EDIL3: variants seen among roughly 807,000 people sequenced by gnomAD.
The protein encoded by EDIL3 is EGF like and discoidin domains 3.
A neutral mutation model predicts 67.4 loss-of-function variants in EDIL3; 37 were observed. The ratio of observed to expected loss-of-function variants is 0.55; its 90% CI spans 0.42 to 0.72. The LOEUF (loss-of-function observed/expected upper bound fraction) is 0.72. Ranked by LOEUF, EDIL3 falls within the 30% of genes least tolerant of loss-of-function variation. The pLI is 0.00. For synonymous variants in EDIL3, 195 were observed against 196.3 expected, an observed-to-expected ratio of 0.99 and a Z score of 0.05; for missense variants, 527 against 586.3, an observed-to-expected ratio of 0.90 and a Z score of 1.04.
chr5:84,089,766 G>T (rs1246097217), intron 6 of EDIL3, among the ~76,000 whole-genome samples: 1 of 152,072 alleles, frequency 6.6e-6, no homozygotes, highest in Non-Finnish European at 1.5e-5. Flanking sequence ...CTACAGATAT[G>T]CAACTCTTCA....
intron 3 of EDIL3, among the ~76,000 whole-genome samples, chr5:84,197,149 CAT>C (rs1743727718): frequency 6.6e-6 from 1 of 151,950 alleles, no homozygotes; most frequent in Non-Finnish European, 1.5e-5. Flanking sequence ...GCAATATCAA[CAT>C]ATTTAGTCAA....
chr5:84,370,700 T>G (rs747443531), intron 1 of EDIL3, among the ~76,000 whole-genome samples: 25 of 152,188 alleles, frequency 1.6e-4, no homozygotes, highest in Non-Finnish European at 2.5e-4. Flanking sequence ...ATTAGACAGC[T>G]ATGGAAACAG....
chr5:84,288,366 T>G (rs952252477), intron 1 of EDIL3, among the ~76,000 whole-genome samples: 4 of 152,194 alleles, frequency 2.6e-5, no homozygotes, highest in Admixed American at 2.6e-4. Flanking sequence ...CTTTTATTTT[T>G]GATGTTTTCA....
At chr5:84,177,204 C>A (rs962144056) in intron 4 of EDIL3, among the ~76,000 whole-genome samples, 2 of 151,910 alleles carry the variant, frequency 1.3e-5, no homozygotes, top group African/African-American at 4.8e-5. Flanking sequence ...CTTCAAATGC[C>A]AAATTTATAA....
chr5:83,981,927 T>C (rs1383233335), intron 9 of EDIL3, among the ~76,000 whole-genome samples: 1 of 152,024 alleles, frequency 6.6e-6, no homozygotes, highest in East Asian at 1.9e-4. Flanking sequence ...TGGCACAAAA[T>C]AAATATGGCA....
intron 6 of EDIL3, among the ~76,000 whole-genome samples, chr5:84,075,890 GCA>G (rs10530772): frequency 0.46 from 66,381 of 144,800 alleles, 16,173 homozygotes; most frequent in East Asian, 0.65. Flanking sequence ...AAGTGTGCAC[GCA>G]CACACACACA....
chr5:84,055,695 A>G (rs1014919974), intron 9 of EDIL3, among the ~76,000 whole-genome samples: 1 of 152,204 alleles, frequency 6.6e-6, no homozygotes, highest in Non-Finnish European at 1.5e-5. Context: ...GCAGACAAAA[A>G]ACACATGAAA....
chr5:84,131,120 T>TA (rs1747958829), intron 5 of EDIL3, among the ~76,000 whole-genome samples: 1 of 152,052 alleles, frequency 6.6e-6, no homozygotes, highest in African/African-American at 2.4e-5. Flanking sequence ...TTCAAATAAC[T>TA]AAAAAATCCT....
At chr5:84,052,033 G>GA (rs564628984) in intron 9 of EDIL3, among the ~76,000 whole-genome samples, 1 of 152,248 alleles carries the variant, frequency 6.6e-6, no homozygotes, top group South Asian at 2.1e-4. Flanking sequence ...TGAAATGAAG[G>GA]AAAAAACGTT....
intron 1 of EDIL3, among the ~76,000 whole-genome samples, chr5:84,304,840 A>C (rs1414171065): frequency 6.6e-6 from 1 of 152,212 alleles, no homozygotes; most frequent in Admixed American, 6.5e-5. Flanking sequence ...TTCACTTTTT[A>C]AAATATAAAA....
Position 83,940,584 on chromosome 5 carries a change from C to T in EDIL3, c.*2835G>A, listed in dbSNP as rs1307959131. On this transcript the variant is annotated 3_prime_UTR_variant, in exon 11 of 11. Transcript: ENST00000296591. Reference sequence around the variant, plus strand: ...TTATAAATGTGTTTAATTACAACTGCTTCAAAAGAATCCCAGCTTTTCAAA... The same window carrying T: ...TTATAAATGTGTTTAATTACAACTGTTTCAAAAGAATCCCAGCTTTTCAAA... The T allele has an allele frequency of 6.6e-6, 1 of 151,928 alleles. No individual in the cohort carries two copies. The highest frequency in any genetic ancestry group is 1.5e-5 in the Non-Finnish European group (1 of 67,908). 9.4% of individuals were successfully genotyped at this position (151,928 alleles called of 1,614,324 possible). A position where few individuals can be genotyped will look rare whatever the true frequency, so the allele number is the denominator to read the frequency against.
chr5:84,226,190 A>T (rs1486322161), intron 3 of EDIL3, among the ~76,000 whole-genome samples: 5 of 151,740 alleles, frequency 3.3e-5, no homozygotes, highest in Non-Finnish European at 5.9e-5. Context: ...CTGATAACTG[A>T]AACAAAATGG....
chr5:84,040,032 T>C (rs1015191026), intron 9 of EDIL3, among the ~76,000 whole-genome samples: 1 of 152,138 alleles, frequency 6.6e-6, no homozygotes, highest in African/African-American at 2.4e-5. Context: ...CACAACCCTA[T>C]AAAATAGGTA....
At chr5:84,232,464 T>G (rs2112046395) in intron 2 of EDIL3, among the ~76,000 whole-genome samples, 1 of 152,182 alleles carries the variant, frequency 6.6e-6, no homozygotes, top group Admixed American at 6.5e-5. Flanking sequence ...AGCAAGAAAT[T>G]TTAGGAAGGA....
At chr5:84,054,586 A>C (rs1030780562) in intron 9 of EDIL3, among the ~76,000 whole-genome samples, 1 of 151,652 alleles carries the variant, frequency 6.6e-6, no homozygotes, top group African/African-American at 2.4e-5. Context: ...AAATCTCCTT[A>C]AGCTGATAAG....
At chr5:83,989,314 GC>G (rs1745109008) in intron 9 of EDIL3, among the ~76,000 whole-genome samples, 2 of 151,978 alleles carry the variant, frequency 1.3e-5, no homozygotes, top group Admixed American at 6.6e-5. Flanking sequence ...ATTGTCCCCT[GC>G]CCCCACCCCC....
intron 1 of EDIL3, among the ~76,000 whole-genome samples, chr5:84,334,804 C>G (rs921580741): frequency 6.6e-6 from 1 of 151,960 alleles, no homozygotes; most frequent in East Asian, 1.9e-4. Flanking sequence ...TCAGTAAATA[C>G]TATTTTTTAA....
At chr5:84,171,235 A>G (rs556591160) in intron 4 of EDIL3, among the ~76,000 whole-genome samples, 156 of 152,328 alleles carry the variant, frequency 1.0e-3, no homozygotes, top group African/African-American at 3.4e-3. Context: ...AAGAATAGAA[A>G]AGAAAAAAAT....
chr5:84,144,256 C>T (rs1748252789), intron 4 of EDIL3, among the ~76,000 whole-genome samples: 1 of 145,030 alleles, frequency 6.9e-6, no homozygotes, highest in African/African-American at 2.5e-5. Context: ...CTTCCTCCCT[C>T]CCACCCTTCC....
Sources: gnomAD v4.1 joint callset for allele counts (sites outside exome capture counted in the v4.1 genomes callset) on GRCh38, gnomAD v4.1.1 for gene constraint, MANE v1.5 for transcripts, NCBI Gene and HGNC (gene_info 2026-07-23, HGNC 2026-07-21) for gene names.